ADAMTS18: variants seen among roughly 807,000 people sequenced by gnomAD.
The protein encoded by ADAMTS18 is ADAM metallopeptidase with thrombospondin type 1 motif 18.
In ADAMTS18, 157 loss-of-function variants were observed where a neutral mutation model predicts 165.9. That is an observed-to-expected ratio of 0.95 (90% CI 0.83 to 1.08). The LOEUF (loss-of-function observed/expected upper bound fraction) is 1.08, where lower values mean the gene tolerates loss of function less well. Among genes scored for constraint, ADAMTS18 ranks in the 50% least tolerant of loss-of-function variants. ADAMTS18 has a pLI of 0.00. For synonymous variants in ADAMTS18, 782 were observed against 578.2 expected (o/e 1.35, Z -5.06); for missense variants, 2,040 against 1,534.0 (o/e 1.33, Z -5.51).
rs1431578016 is a variant in ADAMTS18, at chr16:77,282,484, G to C, written c.*1472C>G. The C allele has an allele frequency of 1.3e-5, 2 of 152,466 alleles. No individual in the cohort carries two copies. Among genetic ancestry groups the C allele is most frequent in the Non-Finnish European group, 2.9e-5 (2 of 68,026 alleles). 9.4% of individuals were successfully genotyped at this position (152,466 alleles called of 1,614,324 possible). A position where few individuals can be genotyped will look rare whatever the true frequency, so the allele number is the denominator to read the frequency against. On this transcript the variant is annotated 3_prime_UTR_variant, in exon 23 of 23. Transcript: ENST00000282849. The stretch of plus-strand genomic sequence containing the variant: ...ATTTCTCTGGGATTCAAGAACTCAT[G>C]ACTTTAATTAGAATGGGAACGAAGT...
At chr16:77,346,823 T>A (rs545014126) in intron 10 of ADAMTS18, among the ~76,000 whole-genome samples, 2 of 152,184 alleles carry the variant, frequency 1.3e-5, no homozygotes, top group Non-Finnish European at 1.5e-5. Flanking sequence ...TTTACAGAGG[T>A]ATGATTTATA....
chr16:77,291,286 A>ACCAT lies in ADAMTS18; in HGVS notation c.3378_3381dup (p.Tyr1128MetfsTer47). On this transcript the variant is annotated frameshift_variant, in exon 21 of 23. Transcript: ENST00000282849. LOFTEE classifies it high-confidence loss of function. ...CCCACCTGCTGCCACGGCAATGAAT[A>ACCAT]CCATCCAGCTACCATGTTGTACACT... 1 of 1,614,110 alleles carries ACCAT rather than the reference A, an allele frequency of 6.2e-7. No individual in the cohort carries two copies. The highest frequency in any genetic ancestry group is 8.5e-7 in the Non-Finnish European group (1 of 1,179,994).
rs2056246766 is a variant in ADAMTS18, at chr16:77,334,221, TATTATATATAA to T, written c.1859+1524_1859+1534del. 3.7e-5 allele frequency among the ~76,000 whole-genome samples: 3 copies of T among 81,388 alleles called. 1 individual carries two copies. The highest frequency in any genetic ancestry group is 6.4e-5 in the Non-Finnish European group (3 of 46,542). 53.4% of individuals were successfully genotyped at this position (81,388 alleles called of 152,430 possible). ...ATTACATATAATATACAGTGTTATA[TATTATATATAA>T]TATATAGTGTTATATATTACATATA... is the stretch of plus-strand genomic sequence containing the variant. On this transcript the variant is annotated intron_variant, in intron 12 of 22. Transcript: ENST00000282849.
intron 4 of ADAMTS18, among the ~76,000 whole-genome samples, chr16:77,365,281 C>G (rs997907484): frequency 2.0e-5 from 3 of 152,150 alleles, no homozygotes; most frequent in African/African-American, 7.2e-5. Flanking sequence ...TTTTACTACT[C>G]AAAAACTGCA....
At chr16:77,336,407 A>T (rs944058157) in intron 11 of ADAMTS18, among the ~76,000 whole-genome samples, 16 of 152,228 alleles carry the variant, frequency 1.1e-4, no homozygotes, top group Non-Finnish European at 2.2e-4. Flanking sequence ...TGATTATCTT[A>T]TCATAAAATA....
intron 12 of ADAMTS18, among the ~76,000 whole-genome samples, chr16:77,330,255 G>T (rs1296199950): frequency 6.6e-6 from 1 of 152,162 alleles, no homozygotes; most frequent in Admixed American, 6.5e-5. Context: ...TTCTCAAATA[G>T]ACTCAGGTTT....
At chr16:77,327,129 G>C (rs2056108658) in intron 12 of ADAMTS18, among the ~76,000 whole-genome samples, 1 of 152,146 alleles carries the variant, frequency 6.6e-6, no homozygotes, top group South Asian at 2.1e-4. Flanking sequence ...CCATGCCTTT[G>C]CTATCACGAC....
chr16:77,358,126 C>T (rs747621299), intron 8 of ADAMTS18, among the ~76,000 whole-genome samples: 31 of 152,102 alleles, frequency 2.0e-4, no homozygotes, highest in Non-Finnish European at 4.0e-4. Flanking sequence ...TCTCCATTTA[C>T]AATTTTAAAA....
intron 3 of ADAMTS18, among the ~76,000 whole-genome samples, chr16:77,403,024 A>G (rs4888626): frequency 0.65 from 98,645 of 152,088 alleles, 33,054 homozygotes; most frequent in Non-Finnish European, 0.75. Context: ...AACAGTAGCC[A>G]CTATATTAAC....
At position 77,284,004 on chromosome 16, in the gene ADAMTS18, G is replaced by C. The variant is rs1000577228; in HGVS notation, c.3618C>G (p.His1206Gln). 6.2e-7 allele frequency: 1 copy of C among 1,613,928 alleles called. No homozygotes were observed. The highest frequency in any genetic ancestry group is 8.5e-7 in the Non-Finnish European group (1 of 1,179,966). Residue 1206 changes from histidine (H) to glutamine (Q), a missense_variant, in exon 23 of 23, where the codon CAC (histidine) becomes CAG (glutamine). Physicochemically the swap from His to Gln is conservative, Grantham distance 24 (BLOSUM62 0). Coordinates refer to ENST00000282849, the MANE Select transcript of ADAMTS18 (RefSeq NM_199355.4). ...HLVPQHGVCN[H>Q]KFYGKQCCKS... ...TGCAGCATTGTTTTCCGTAAAACTTGTGGTTGCAGACACCATGCTGAGGAA... is the reference window on the plus strand; with the variant it reads ...TGCAGCATTGTTTTCCGTAAAACTTCTGGTTGCAGACACCATGCTGAGGAA...
chr16:77,328,174 C>A (rs1364698182), intron 12 of ADAMTS18, among the ~76,000 whole-genome samples: 1 of 151,908 alleles, frequency 6.6e-6, no homozygotes, highest in Non-Finnish European at 1.5e-5. Context: ...TCTGCAAAAA[C>A]CAGAAAGCAA....
intron 3 of ADAMTS18, among the ~76,000 whole-genome samples, chr16:77,399,496 C>T (rs774546697): frequency 2.6e-5 from 4 of 152,038 alleles, no homozygotes; most frequent in Non-Finnish European, 2.9e-5. Flanking sequence ...GTTTCCCTAC[C>T]CTAGAAGATA....
intron 3 of ADAMTS18, among the ~76,000 whole-genome samples, chr16:77,418,727 T>C (rs1052416488): frequency 2.0e-5 from 3 of 152,228 alleles, no homozygotes; most frequent in African/African-American, 7.2e-5. Flanking sequence ...CAGGATAATT[T>C]AAGATGGCCA....
chr16:77,383,018 C>A (rs1466985486), intron 3 of ADAMTS18, among the ~76,000 whole-genome samples: 2 of 152,222 alleles, frequency 1.3e-5, no homozygotes, highest in Non-Finnish European at 2.9e-5. Flanking sequence ...TTGCTCCAAA[C>A]TGACATCCTA....
intron 16 of ADAMTS18, among the ~76,000 whole-genome samples, chr16:77,306,263 A>G (rs1358001626): frequency 6.6e-6 from 1 of 152,180 alleles, no homozygotes; most frequent in East Asian, 1.9e-4. Flanking sequence ...TTTAACACAC[A>G]AACCACCTGA....
rs71137817 is a variant in ADAMTS18, at chr16:77,415,725, C to CAAAA, written c.495+15566_495+15569dup. On this transcript the variant is annotated intron_variant, in intron 3 of 22. Coordinates refer to ENST00000282849, the MANE Select transcript of ADAMTS18 (RefSeq NM_199355.4). ...ACTGGAGTAATGAATGCTGGGTAGG[C>CAAAA]AAAAAAAAAAAAAAAAATCAGAGGT... Among the ~76,000 whole-genome samples the CAAAA allele has an allele frequency of 3.1e-4, 32 of 101,962 alleles. 3 individuals are homozygous for CAAAA. Among genetic ancestry groups the CAAAA allele is most frequent in the African/African-American group, 5.7e-4 (15 of 26,380 alleles). The allele number at this position is 101,962 out of a possible 152,430, so 66.9% of individuals were successfully genotyped here. A position where few individuals can be genotyped will look rare whatever the true frequency, so the allele number is the denominator to read the frequency against.
chr16:77,411,098 T>C (rs1302395846), intron 3 of ADAMTS18, among the ~76,000 whole-genome samples: 1 of 152,224 alleles, frequency 6.6e-6, no homozygotes, highest in Non-Finnish European at 1.5e-5. Flanking sequence ...CAGAGTAGTA[T>C]GGCAGCAATG....
In ADAMTS18 at chr16:77,295,161, C is replaced by G. The variant is rs542506325; in HGVS notation, c.2802-34G>C. The G allele has an allele frequency of 4.4e-4, 701 of 1,611,372 alleles. 11 individuals are homozygous for G. The South Asian group carries it at 7.4e-3, about 17-fold the overall frequency. ...GCAAAACAAACATTACCAATGAAGC[C>G]AAACTTTGTATGATAACTTCCAAAG... On this transcript the variant is annotated intron_variant, in intron 18 of 22. Coordinates refer to ENST00000282849, the MANE Select transcript of ADAMTS18 (RefSeq NM_199355.4).
chr16:77,417,139 C>G (rs903414309), intron 3 of ADAMTS18, among the ~76,000 whole-genome samples: 1 of 95,018 alleles, frequency 1.1e-5, no homozygotes, highest in Non-Finnish European at 2.8e-5. Context: ...TGCTCACCCT[C>G]ACATTGAAAT....
Sources: allele counts gnomAD v4.1 joint callset (sites outside exome capture counted in the v4.1 genomes callset), GRCh38; gene constraint gnomAD v4.1.1; transcripts MANE v1.5; gene names NCBI Gene and HGNC (gene_info 2026-07-23, HGNC 2026-07-21).